Variants in SLC67A2 observed in about 807,000 individuals in gnomAD.
SLC67A2 encodes solute carrier family 67 member 2, also known as solute carrier family 67 member A2.
the SLC67A2 span, among the ~76,000 whole-genome samples, chr2:102,726,335 T>C: frequency 3.3e-5 from 5 of 152,120 alleles, no homozygotes. Flanking sequence ...TACTGAATGA[T>C]GTAGAGTAAG....
chr2:102,722,363 CAG>C, the SLC67A2 span, among the ~76,000 whole-genome samples: 1 of 152,132 alleles, frequency 6.6e-6, no homozygotes, highest in Non-Finnish European at 1.5e-5. Context: ...TGGAGGAAGG[CAG>C]AGAGAGGGGC....
the SLC67A2 span, among the ~76,000 whole-genome samples, chr2:102,727,162 A>T: frequency 6.6e-6 from 1 of 152,192 alleles, no homozygotes; most frequent in African/African-American, 2.4e-5. Flanking sequence ...AGTGAATGGA[A>T]AAACACAATG....
At chr2:102,718,657 C>A in the SLC67A2 span, 1 of 1,613,870 alleles carries the variant, frequency 6.2e-7, no homozygotes, top group African/African-American at 1.3e-5. Context: ...GCTGGAGGTC[C>A]GTGATGCACG....
chr2:102,736,459 A>C, the SLC67A2 span: 1 of 1,431,078 alleles, frequency 7.0e-7, no homozygotes, highest in Non-Finnish European at 9.2e-7. Flanking sequence ...GCAATAAAGC[A>C]GTGTGGCCAG....
the SLC67A2 span, chr2:102,723,571 A>G: frequency 1.1e-6 from 1 of 911,674 alleles, no homozygotes; most frequent in Non-Finnish European, 1.7e-6. Context: ...GGTTCCTCAA[A>G]ATGACTTTTG....
chr2:102,725,703 G>C, the SLC67A2 span, among the ~76,000 whole-genome samples: 5 of 65,828 alleles, frequency 7.6e-5, no homozygotes, highest in Admixed American at 4.3e-4. Context: ...GCATGGTTAA[G>C]AATGTTGGGG....
the SLC67A2 span, chr2:102,717,174 C>T: frequency 0.2 from 30,024 of 152,012 alleles, 3,831 homozygotes; most frequent in Middle Eastern, 0.29. Flanking sequence ...GGACTGCAGG[C>T]GCCCGCCATC....
At chr2:102,725,010 G>A in the SLC67A2 span, among the ~76,000 whole-genome samples, 2 of 152,194 alleles carry the variant, frequency 1.3e-5, no homozygotes, top group Non-Finnish European at 2.9e-5. Context: ...TTGTATTGAT[G>A]TCAGGTTCAC....
At chr2:102,730,297 A>G in the SLC67A2 span, among the ~76,000 whole-genome samples, 2 of 152,024 alleles carry the variant, frequency 1.3e-5, no homozygotes, top group African/African-American at 4.8e-5. Context: ...CGATCCTCCA[A>G]CCTTAGCCTC....
chr2:102,724,059 T>C, the SLC67A2 span: 1 of 666,050 alleles, frequency 1.5e-6, no homozygotes, highest in East Asian at 2.7e-5. Context: ...CACCACGGCA[T>C]CTGATCTTCT....
the SLC67A2 span, among the ~76,000 whole-genome samples, chr2:102,715,077 C>G: frequency 6.6e-6 from 1 of 152,186 alleles, no homozygotes; most frequent in Non-Finnish European, 1.5e-5. Context: ...CAACCTCTGC[C>G]TGCTGTCCCT....
At chr2:102,718,799 T>C in the SLC67A2 span, 6 of 1,613,714 alleles carry the variant, frequency 3.7e-6, no homozygotes, top group African/African-American at 1.3e-5. Context: ...TGCCTGCGAG[T>C]TGTGCTTGTA....
chr2:102,730,710 T>C, the SLC67A2 span, among the ~76,000 whole-genome samples: 1 of 152,044 alleles, frequency 6.6e-6, no homozygotes, highest in African/African-American at 2.4e-5. Context: ...GCCTGGCTAA[T>C]TTTTTTGTAT....
chr2:102,736,859 C>G, the SLC67A2 span: 1 of 1,545,516 alleles, frequency 6.5e-7, no homozygotes, highest in Admixed American at 1.9e-5. Context: ...GGACCTACCC[C>G]GGGAGCCCAG....
At chr2:102,717,454 G>C in the SLC67A2 span, 1 of 152,306 alleles carries the variant, frequency 6.6e-6, no homozygotes, top group South Asian at 2.1e-4. Context: ...TTCACCACTG[G>C]GTTCTGTCAG....
the SLC67A2 span, chr2:102,736,518 T>C: frequency 9.9e-5 from 158 of 1,590,506 alleles, no homozygotes; most frequent in Non-Finnish European, 1.0e-4. Context: ...TGATAGGTAG[T>C]GAGGCACTCA....
At chr2:102,718,952 G>A in the SLC67A2 span, 1 of 1,614,258 alleles carries the variant, frequency 6.2e-7, no homozygotes, top group Non-Finnish European at 8.5e-7. Context: ...CAGCATGACT[G>A]CCATGGCCAT....
chr2:102,722,632 T>C, the SLC67A2 span, among the ~76,000 whole-genome samples: 19 of 152,096 alleles, frequency 1.2e-4, no homozygotes, highest in African/African-American at 4.6e-4. Flanking sequence ...AGATTAAAGA[T>C]AAAAATCAAC....
chr2:102,715,919 C>T, the SLC67A2 span: 2 of 152,070 alleles, frequency 1.3e-5, no homozygotes, highest in African/African-American at 2.4e-5. Context: ...CAGGGGTTTT[C>T]AAAGTTTGCT....
Sources: gnomAD v4.1 joint callset for allele counts (sites outside exome capture counted in the v4.1 genomes callset) on GRCh38, gnomAD v4.1.1 for gene constraint, MANE v1.5 for transcripts, NCBI Gene and HGNC (gene_info 2026-07-23, HGNC 2026-07-21) for gene names.